Variants in TIMELESS observed in about 807,000 individuals in gnomAD.
The protein encoded by TIMELESS is timeless circadian regulator.
A neutral mutation model predicts 164.3 loss-of-function variants in TIMELESS; 124 were observed. That is an observed-to-expected ratio of 0.75 (90% confidence interval 0.65 to 0.88). The LOEUF (loss-of-function observed/expected upper bound fraction) is 0.88, where lower values mean the gene tolerates loss of function less well. TIMELESS is among the 40% of genes least tolerant of loss of function. The pLI, the probability that TIMELESS is intolerant of heterozygous loss-of-function variation, is 0.00. For missense variants in TIMELESS, 1,422 were observed against 1,491.4 expected (o/e 0.95, Z 0.77); for synonymous variants, 564 against 563.4 (o/e 1.00, Z -0.02).
In TIMELESS at chr12:56,416,721, CT is replaced by C. The variant is rs952738818; in HGVS notation, c.*994del. The C allele has an allele frequency of 1.1e-3, 155 of 143,542 alleles. No individual in the cohort carries two copies. Among genetic ancestry groups the C allele is most frequent in the Middle Eastern group, 7.2e-3 (2 of 276 alleles). 8.9% of individuals were successfully genotyped at this position (143,542 alleles called of 1,614,324 possible). A position where few individuals can be genotyped will look rare whatever the true frequency, so the allele number is the denominator to read the frequency against. The stretch of plus-strand genomic sequence containing the variant: ...CGGAAGAAAAGGGAAGGTTGTTGGT[CT>C]TTTTTTTTTTTCTTTTTTTTTGAGA... On this transcript the variant is annotated 3_prime_UTR_variant, in exon 29 of 29. Transcript: ENST00000553532.
At chr12:56,429,171 T>C in intron 10 of TIMELESS, 71 bp from the exon 11 acceptor site, 1 of 1,382,514 alleles carries the variant, frequency 7.2e-7, no homozygotes, top group Non-Finnish European at 9.8e-7. Context: ...TCCTGTCCTA[T>C]GATGATGGAA....
At chr12:56,445,132 A>T (rs925310401) in intron 1 of TIMELESS, among the ~76,000 whole-genome samples, 3 of 151,966 alleles carry the variant, frequency 2.0e-5, no homozygotes, top group Non-Finnish European at 4.4e-5. Flanking sequence ...CACCTTATTA[A>T]AAGAAACCTA....
rs769246912 is a variant in TIMELESS, at chr12:56,421,756, C to T, written c.2696G>A (p.Arg899Gln). ...WTGDQELELQ[R>Q]LFEEFRDSDD... The stretch of plus-strand genomic sequence containing the variant: ...TGAGTCCCGGAATTCCTCAAAAAGC[C>T]GCTGCAGCTCCAACTCCTGATCCCC... The change falls in exon 22 of 29, where the codon CGG becomes CAG. Residue 899 changes from arginine to glutamine, a missense_variant. Coordinates refer to ENST00000553532, the MANE Select transcript of TIMELESS (RefSeq NM_003920.5). 15 of 1,614,036 alleles carry T rather than the reference C, an allele frequency of 9.3e-6. No individual in the cohort carries two copies. Among genetic ancestry groups the T allele is most frequent in the Middle Eastern group, 3.3e-4 (2 of 6,084 alleles).
intron 1 of TIMELESS, among the ~76,000 whole-genome samples, chr12:56,436,897 C>G (rs1210961851): frequency 6.6e-6 from 1 of 151,956 alleles, no homozygotes; most frequent in African/African-American, 2.4e-5. Context: ...TCTCCAGTGC[C>G]TAGAATAGAG....
chr12:56,443,990 T>C (rs961560085), intron 1 of TIMELESS, among the ~76,000 whole-genome samples: 3 of 151,098 alleles, frequency 2.0e-5, no homozygotes, highest in African/African-American at 4.9e-5. Flanking sequence ...CTCCGCCTCC[T>C]GGGTTCAAGC....
intron 1 of TIMELESS, among the ~76,000 whole-genome samples, chr12:56,440,511 T>C (rs1315590996): frequency 6.6e-6 from 1 of 152,140 alleles, no homozygotes; most frequent in African/African-American, 2.4e-5. Flanking sequence ...AGGATCCTCT[T>C]TGAGACCCAG....
In TIMELESS at chr12:56,421,167, T is replaced by A. The variant is rs775174717; in HGVS notation, c.2869-33A>T. 4 of 1,612,708 alleles carry A rather than the reference T, an allele frequency of 2.5e-6. No homozygotes were observed. In the African/African-American group the frequency reaches 4.0e-5, roughly 16 times the overall value. ...TCATTGGGGGTTGGGGGAATGAAAATGAAGGCAACACAAGGAACTTAGTGG... is the reference window on the plus strand; with the variant it reads ...TCATTGGGGGTTGGGGGAATGAAAAAGAAGGCAACACAAGGAACTTAGTGG... On this transcript the variant is annotated intron_variant, in intron 23 of 28. Transcript: ENST00000553532.
chr12:56,434,239 AAT>A lies in TIMELESS; in HGVS notation c.-61-10_-61-9del. The stretch of plus-strand genomic sequence containing the variant: ...AGACAGAAATGATGAGGCCTGGAGA[AAT>A]AGAGAAAGATAAAAAATGTAAGTTC... On this transcript the variant is annotated splice_polypyrimidine_tract_variant and intron_variant, in intron 1 of 28. Coordinates refer to ENST00000553532, the MANE Select transcript of TIMELESS (RefSeq NM_003920.5). 7.8e-7 allele frequency: 1 copy of A among 1,274,022 alleles called. No individual in the cohort carries two copies. The highest frequency in any genetic ancestry group is 1.1e-6 in the Non-Finnish European group (1 of 875,610). The allele number at this position is 1,274,022 out of a possible 1,614,324, so 78.9% of individuals were successfully genotyped here. A position where few individuals can be genotyped will look rare whatever the true frequency, so the allele number is the denominator to read the frequency against.
At chr12:56,419,441 C>T (rs1011001515) in intron 26 of TIMELESS, among the ~76,000 whole-genome samples, 2 of 141,300 alleles carry the variant, frequency 1.4e-5, no homozygotes, top group African/African-American at 5.3e-5. Flanking sequence ...GGTAGAGGTC[C>T]ATCAGTAAGA....
At chr12:56,418,998 AT>A (rs34996841) in intron 26 of TIMELESS, among the ~76,000 whole-genome samples, 1 of 139,292 alleles carries the variant, frequency 7.2e-6, no homozygotes, top group African/African-American at 2.6e-5. Context: ...GTATCACAGG[AT>A]TTTTTTTTTT....
intron 19 of TIMELESS, 40 bp downstream of exon 19, chr12:56,422,807 T>TA: frequency 2.1e-6 from 3 of 1,447,340 alleles, no homozygotes; most frequent in Non-Finnish European, 1.9e-6. Context: ...GCATCAAACT[T>TA]CCCCTACCCC....
intron 25 of TIMELESS, 28 bp downstream of exon 25, chr12:56,420,784 TC>T: frequency 6.2e-7 from 1 of 1,614,038 alleles, no homozygotes; most frequent in Non-Finnish European, 8.5e-7. Context: ...CCAGGGCTCT[TC>T]TCCTAAAAGT....
At chr12:56,421,304 T>A (rs1565679281) in intron 23 of TIMELESS, 47 bp downstream of exon 23, 3 of 1,601,326 alleles carry the variant, frequency 1.9e-6, no homozygotes, top group Non-Finnish European at 2.6e-6. Flanking sequence ...AAGGACCACT[T>A]CAAGGGAAGT....
Position 56,421,040 on chromosome 12 carries a change from C to G in TIMELESS, c.2963G>C (p.Gly988Ala), listed in dbSNP as rs1341146008. 27 of 1,614,180 alleles carry G rather than the reference C, an allele frequency of 1.7e-5. No individual in the cohort carries two copies. The East Asian group carries it at 5.8e-4, about 35-fold the overall frequency. Residue 988 changes from glycine to alanine, a missense_variant, in exon 24 of 29, where the codon GGG becomes GCG. By Grantham distance (60) the Gly-to-Ala change is moderately conservative. Transcript: ENST00000553532. ...CTGGACTTGTTCTGCTTCTGAGCCC[C>G]CTTCTTCTTCCTCTTCGCTGTCTTC... ...PEEDSEEEEE[G>A]GSEAEQVQGS... is the part of the protein sequence containing the mutation.
At chr12:56,436,148 G>T (rs535174738) in intron 1 of TIMELESS, among the ~76,000 whole-genome samples, 61 of 152,086 alleles carry the variant, frequency 4.0e-4, no homozygotes, top group Non-Finnish European at 8.1e-4. Flanking sequence ...TGCAGTCCAA[G>T]AAAACACTAA....
rs752947486 is a variant in TIMELESS, at chr12:56,430,935, C to T, written c.855G>A (p.Gln285=). 1 of 1,605,150 alleles carries T rather than the reference C, an allele frequency of 6.2e-7. No individual in the cohort carries two copies. The highest frequency in any genetic ancestry group is 1.3e-5 in the African/African-American group (1 of 74,338). Residue 285 remains glutamine, a synonymous_variant, in exon 9 of 29, where the codon CAG becomes CAA. Coordinates refer to ENST00000553532, the MANE Select transcript of TIMELESS (RefSeq NM_003920.5). The part of the protein sequence containing the change: ...HSRFGGSYIV[Q]GLKSIGERDL... ...CCCTCTCCCCAATGGATTTCAACCC[C>T]TGGACAATATAGGAGCCCCCAAATC...
At position 56,434,204 on chromosome 12, in the gene TIMELESS, G is replaced by T; in HGVS notation, c.-34C>A. On this transcript the variant is annotated 5_prime_UTR_variant, in exon 2 of 29. Coordinates refer to ENST00000553532, the MANE Select transcript of TIMELESS (RefSeq NM_003920.5). ...GGACCAACCAACAGAGAAGGAAGTG[G>T]AGAAACAGGAGACAGAAATGATGAG... 1.3e-6 allele frequency: 2 copies of T among 1,513,418 alleles called. No individual in the cohort carries two copies. Among genetic ancestry groups the T allele is most frequent in the South Asian group, 1.1e-5 (1 of 88,792 alleles). 93.7% of individuals were successfully genotyped at this position (1,513,418 alleles called of 1,614,324 possible).
intron 1 of TIMELESS, among the ~76,000 whole-genome samples, chr12:56,447,410 T>C (rs1379311499): frequency 6.6e-6 from 1 of 152,086 alleles, no homozygotes; most frequent in African/African-American, 2.4e-5. Flanking sequence ...GCTCAATAAA[T>C]GCTTTACTAA....
chr12:56,441,656 C>A (rs1868275266), intron 1 of TIMELESS, among the ~76,000 whole-genome samples: 1 of 149,750 alleles, frequency 6.7e-6, no homozygotes, highest in African/African-American at 2.5e-5. Flanking sequence ...CAAACAGAAC[C>A]CCTCCCCCGC....
Sources: gnomAD v4.1 joint callset for allele counts (sites outside exome capture counted in the v4.1 genomes callset) on GRCh38, gnomAD v4.1.1 for gene constraint, MANE v1.5 for transcripts, NCBI Gene and HGNC (gene_info 2026-07-23, HGNC 2026-07-21) for gene names.